MCTS1: variants seen among roughly 807,000 people sequenced by gnomAD.
MCTS1 encodes MCTS1 re-initiation and release factor, also known as malignant T-cell-amplified sequence 1.
For synonymous variants in MCTS1, 26 were observed against 40.8 expected (o/e 0.64, Z 1.38); for missense variants, 55 against 128.6 (o/e 0.43, Z 2.77).
intron 5 of MCTS1, 51 bp downstream of exon 5, chrX:120,611,129 C>A (rs778930844): frequency 4.7e-6 from 5 of 1,073,196 alleles, no homozygotes; most frequent in Non-Finnish European, 6.4e-6. Flanking sequence ...GTAACCAACC[C>A]AGGAAGCATC....
rs1193685016 is a variant in MCTS1, at chrX:120,619,198, A to G, written c.*6934A>G. Among the ~76,000 whole-genome samples, 1 of 112,147 alleles carries G rather than the reference A, an allele frequency of 8.9e-6. No individual in the cohort carries two copies. The highest frequency in any genetic ancestry group is 1.9e-5 in the Non-Finnish European group (1 of 53,255). On this transcript the variant is annotated 3_prime_UTR_variant, in exon 6 of 6. Transcript: ENST00000371317. The stretch of plus-strand genomic sequence containing the variant: ...TTAAATGTACAGATGTTATCTTAAA[A>G]CAATGAAAGAGTTCCCCTAATTTGA...
intron 1 of MCTS1, 22 bp downstream of exon 1, chrX:120,604,269 C>T: frequency 8.3e-7 from 1 of 1,205,555 alleles, no homozygotes; most frequent in East Asian, 3.0e-5. Context: ...CTGTGGCCTC[C>T]ATCGGCTGCT....
rs1344719837 is a variant in MCTS1 at position 120,616,364 on chromosome X, TG to T, written c.*4101del. Reference sequence around the variant, plus strand: ...TGTATTATACATTTTTATACTTGTATGTATTTTATACTTTGTATGAATACTT... The same window carrying T: ...TGTATTATACATTTTTATACTTGTATTATTTTATACTTTGTATGAATACTT... On this transcript the variant is annotated 3_prime_UTR_variant, in exon 6 of 6. Coordinates refer to ENST00000371317, the MANE Select transcript of MCTS1 (RefSeq NM_014060.3). Among the ~76,000 whole-genome samples the T allele has an allele frequency of 1.8e-5, 2 of 112,560 alleles. No individual in the cohort carries two copies. The highest frequency in any genetic ancestry group is 3.7e-5 in the Non-Finnish European group (2 of 53,337).
At chrX:120,605,976 T>A in intron 2 of MCTS1, 103 bp from the exon 3 acceptor site, 2 of 463,830 alleles carry the variant, frequency 4.3e-6, no homozygotes, top group East Asian at 8.6e-5. Context: ...CCAGGATTTT[T>A]ACTGACTTTT....
chrX:120,611,207 T>G, intron 5 of MCTS1, 129 bp downstream of exon 5: 2 of 538,514 alleles, frequency 3.7e-6, no homozygotes, highest in Non-Finnish European at 6.0e-6. Flanking sequence ...AGAAGCTTCA[T>G]TTCTGATATT....
At chrX:120,604,423 C>G in intron 1 of MCTS1, 176 bp downstream of exon 1, 2 of 625,303 alleles carry the variant, frequency 3.2e-6, no homozygotes, top group Non-Finnish European at 4.7e-6. Flanking sequence ...TTTAAGCTTT[C>G]CATCCGTAGT....
rs1319009421 is a variant in MCTS1, at chrX:120,614,470, C to T, written c.*2206C>T. ...GCCCTGATATTTTATTTCCTATATC[C>T]TTTTCAAGTTCCATGTAGTTTTCCT... On this transcript the variant is annotated 3_prime_UTR_variant, in exon 6 of 6. Transcript: ENST00000371317. Among the ~76,000 whole-genome samples the T allele has an allele frequency of 8.9e-6, 1 of 111,950 alleles. No individual in the cohort carries two copies. Among genetic ancestry groups the T allele is most frequent in the Non-Finnish European group, 1.9e-5 (1 of 53,193 alleles).
chrX:120,608,448 A>G lies in MCTS1; in HGVS notation c.396+90A>G, dbSNP rs759268702. ...GGTGTACCATCCAAGAGAACATTAG[A>G]TGTACTTTTTTGAAGGTTACTGTTA... On this transcript the variant is annotated intron_variant, in intron 4 of 5. Coordinates refer to ENST00000371317, the MANE Select transcript of MCTS1 (RefSeq NM_014060.3). 11 of 969,526 alleles carry G rather than the reference A, an allele frequency of 1.1e-5. No individual in the cohort carries two copies. The East Asian group carries it at 1.7e-4, about 15-fold the overall frequency. The allele number at this position is 969,526 out of a possible 1,213,427, so 79.9% of individuals were successfully genotyped here.
chrX:120,609,520 A>G (rs1261359853), intron 4 of MCTS1, among the ~76,000 whole-genome samples: 1 of 111,397 alleles, frequency 9.0e-6, no homozygotes, highest in Non-Finnish European at 1.9e-5. Context: ...AAAAAATGAT[A>G]TTCTCTGTTG....
rs1926783428 is a variant in MCTS1 at position 120,614,270 on chromosome X, C to T, written c.*2006C>T. Among the ~76,000 whole-genome samples the T allele has an allele frequency of 8.9e-6, 1 of 111,971 alleles. No individual in the cohort carries two copies. The highest frequency in any genetic ancestry group is 3.7e-4 in the South Asian group (1 of 2,726). Reference sequence around the variant, plus strand: ...TAGTGATAGGTCTGCCTATGGTAAACAATTAGGAAACAGGAAGTTACTTGG... The same window carrying T: ...TAGTGATAGGTCTGCCTATGGTAAATAATTAGGAAACAGGAAGTTACTTGG... On this transcript the variant is annotated 3_prime_UTR_variant, in exon 6 of 6. Transcript: ENST00000371317.
In MCTS1 at chrX:120,605,512, G is replaced by C; in HGVS notation, c.117G>C (p.Trp39Cys). Residue 39 changes from tryptophan to cysteine, a missense_variant, in exon 2 of 6, where the codon TGG (tryptophan) becomes TGC (cysteine). Trp to Cys is a radical substitution (Grantham distance 215). Coordinates refer to ENST00000371317, the MANE Select transcript of MCTS1 (RefSeq NM_014060.3). ...AGCAATTTCCAGGTATTGAACCATG[G>C]CTTAATCAAATCATGCCTAAGAAAG... ...LIEQFPGIEPWLNQIMPKKDP... is the reference protein window; with the variant it reads ...LIEQFPGIEPCLNQIMPKKDP... 6.7e-6 allele frequency: 8 copies of C among 1,199,336 alleles called. No individual in the cohort carries two copies. Among genetic ancestry groups the C allele is most frequent in the Non-Finnish European group, 9.0e-6 (8 of 891,243 alleles).
chrX:120,606,784 C>CAAAAA (rs763945946), intron 3 of MCTS1, among the ~76,000 whole-genome samples: 2 of 38,503 alleles, frequency 5.2e-5, no homozygotes, highest in African/African-American at 1.1e-4. Flanking sequence ...GACTTAGTCT[C>CAAAAA]AAAAAAAAAA....
chrX:120,606,655 G>T (rs1926539085), intron 3 of MCTS1, among the ~76,000 whole-genome samples: 1 of 110,725 alleles, frequency 9.0e-6, no homozygotes, highest in African/African-American at 3.3e-5. Flanking sequence ...GTGGTCACAG[G>T]TGCCTGTAAT....
In MCTS1 at chrX:120,619,464, C is replaced by T. The variant is rs1926951434; in HGVS notation, c.*7200C>T. ...TAGATTTTAACTCTCATTTTACAAA[C>T]GAGGAGACTAAGGCTCAGAGAGGTC... is the stretch of plus-strand genomic sequence containing the variant. On this transcript the variant is annotated 3_prime_UTR_variant, in exon 6 of 6. Coordinates refer to ENST00000371317, the MANE Select transcript of MCTS1 (RefSeq NM_014060.3). Among the ~76,000 whole-genome samples, 1 of 109,203 alleles carries T rather than the reference C, an allele frequency of 9.2e-6. No individual in the cohort carries two copies. The highest frequency in any genetic ancestry group is 9.8e-5 in the Admixed American group (1 of 10,169). 94.8% of individuals were successfully genotyped at this position (109,203 alleles called of 115,157 possible). A position where few individuals can be genotyped will look rare whatever the true frequency, so the allele number is the denominator to read the frequency against.
At position 120,615,023 on chromosome X, in the gene MCTS1, T is replaced by C. The variant is rs1399089757; in HGVS notation, c.*2759T>C. Among the ~76,000 whole-genome samples, 4 of 111,892 alleles carry C rather than the reference T, an allele frequency of 3.6e-5. No homozygotes were observed. Among genetic ancestry groups the C allele is most frequent in the Non-Finnish European group, 7.5e-5 (4 of 53,173 alleles). ...GCCTTGGTGATATGGACTAAATATG[T>C]ATGTTCTCTGCTTCCCCTGGGTCTG... On this transcript the variant is annotated 3_prime_UTR_variant, in exon 6 of 6. Transcript: ENST00000371317.
At chrX:120,612,079 G>A in intron 5 of MCTS1, 104 bp from the exon 6 acceptor site, 1 of 603,970 alleles carries the variant, frequency 1.7e-6, no homozygotes, top group Non-Finnish European at 2.7e-6. Context: ...TTTACTTGTG[G>A]CTTAATAATT....
intron 3 of MCTS1, among the ~76,000 whole-genome samples, chrX:120,606,460 C>T (rs751880405): frequency 4.4e-5 from 5 of 112,571 alleles, no homozygotes; most frequent in African/African-American, 1.3e-4. Context: ...TTCCAGAAAG[C>T]CCAAGAAAGA....
rs1427831152 is a variant in MCTS1 at position 120,614,068 on chromosome X, G to T, written c.*1804G>T. Among the ~76,000 whole-genome samples, 1 of 112,148 alleles carries T rather than the reference G, an allele frequency of 8.9e-6. No individual in the cohort carries two copies. The highest frequency in any genetic ancestry group is 2.8e-4 in the East Asian group (1 of 3,580). On this transcript the variant is annotated 3_prime_UTR_variant, in exon 6 of 6. Coordinates refer to ENST00000371317, the MANE Select transcript of MCTS1 (RefSeq NM_014060.3). ...AGTTAGAAGTTGGTGAGAAAGGTGA[G>T]GGTGGATAGCAAAAAGAGAGAGATC...
chrX:120,610,667 T>C (rs1926664579), intron 4 of MCTS1, among the ~76,000 whole-genome samples: 1 of 112,833 alleles, frequency 8.9e-6, no homozygotes, highest in Non-Finnish European at 1.9e-5. Flanking sequence ...ATCAGAACAA[T>C]TAATATTTAT....
Sources: gnomAD v4.1 joint callset for allele counts (sites outside exome capture counted in the v4.1 genomes callset) on GRCh38, gnomAD v4.1.1 for gene constraint, MANE v1.5 for transcripts, NCBI Gene and HGNC (gene_info 2026-07-23, HGNC 2026-07-21) for gene names.